KLF8: variants seen among roughly 807,000 people sequenced by gnomAD.
KLF8 encodes the protein KLF transcription factor 8.
A neutral mutation model predicts 18.2 loss-of-function variants in KLF8; 10 were observed. The observed-to-expected ratio is 0.55, with a 90% CI of 0.34 to 0.93. The LOEUF (loss-of-function observed/expected upper bound fraction) is 0.93, where lower values mean the gene tolerates loss of function less well. KLF8 is among the 40% of genes least tolerant of loss of function. KLF8 has a pLI of 0.02. For synonymous variants in KLF8, 109 were observed against 97.3 expected, an observed-to-expected ratio of 1.12 and a Z score of -0.71; for missense variants, 264 against 277.9, an observed-to-expected ratio of 0.95 and a Z score of 0.36.
the KLF8 span, among the ~76,000 whole-genome samples, chrX:56,225,962 T>A: frequency 8.9e-6 from 1 of 112,547 alleles, no homozygotes; most frequent in East Asian, 2.8e-4. Context: ...GTCAAATGGA[T>A]AAGACTGCCA....
the KLF8 span, among the ~76,000 whole-genome samples, chrX:56,058,167 T>TATATATATACACACATATATATATAC: frequency 1.1e-5 from 1 of 91,807 alleles, no homozygotes; most frequent in Non-Finnish European, 2.1e-5. Context: ...GGCATATATA[T>TATATATATACACACATATATATATAC]ATATATATAC....
chrX:56,125,894 G>A, the KLF8 span, among the ~76,000 whole-genome samples: 5 of 111,805 alleles, frequency 4.5e-5, no homozygotes, highest in African/African-American at 1.3e-4. Context: ...CTAGGGTTTG[G>A]GGAATGATGA....
the KLF8 span, among the ~76,000 whole-genome samples, chrX:56,128,532 C>T: frequency 9.0e-6 from 1 of 111,265 alleles, no homozygotes; most frequent in Non-Finnish European, 1.9e-5. Flanking sequence ...CAACTCCCAA[C>T]CTCAATAGAA....
At chrX:56,121,703 G>T in the KLF8 span, among the ~76,000 whole-genome samples, 5 of 112,451 alleles carry the variant, frequency 4.4e-5, no homozygotes, top group Non-Finnish European at 7.5e-5. Context: ...CACAGCCAGG[G>T]CCTGATGGTT....
At chrX:56,007,221 G>T in the KLF8 span, among the ~76,000 whole-genome samples, 1 of 111,524 alleles carries the variant, frequency 9.0e-6, no homozygotes. Context: ...CTCTGAGTGG[G>T]CATGAGAGGA....
chrX:56,091,200 C>T, the KLF8 span, among the ~76,000 whole-genome samples: 1 of 111,175 alleles, frequency 9.0e-6, no homozygotes, highest in Non-Finnish European at 1.9e-5. Flanking sequence ...TTCCACCATG[C>T]TATTCTTGTG....
the KLF8 span, among the ~76,000 whole-genome samples, chrX:56,120,689 T>G: frequency 9.0e-6 from 1 of 111,479 alleles, no homozygotes; most frequent in Admixed American, 9.5e-5. Context: ...CCTAGGGCCT[T>G]TCCCTCTTCT....
the KLF8 span, among the ~76,000 whole-genome samples, chrX:56,110,552 T>A: frequency 8.9e-6 from 1 of 111,963 alleles, no homozygotes; most frequent in African/African-American, 3.2e-5. Flanking sequence ...TAATACTGAC[T>A]TTTTTGTTTG....
chrX:56,008,332 G>T, the KLF8 span, among the ~76,000 whole-genome samples: 1 of 109,357 alleles, frequency 9.1e-6, no homozygotes, highest in Non-Finnish European at 1.9e-5. Flanking sequence ...AAGTATCCAG[G>T]TTCTCTTGCT....
chrX:56,180,206 G>A, the KLF8 span, among the ~76,000 whole-genome samples: 2 of 108,105 alleles, frequency 1.9e-5, no homozygotes, highest in South Asian at 7.6e-4. Flanking sequence ...AACTTCTTCG[G>A]AAGGTGTATA....
At chrX:56,221,735 G>A in the KLF8 span, among the ~76,000 whole-genome samples, 20 of 111,698 alleles carry the variant, frequency 1.8e-4, no homozygotes, top group Non-Finnish European at 3.4e-4. Context: ...AGACCTTCAC[G>A]AGTGTCACAG....
the KLF8 span, among the ~76,000 whole-genome samples, chrX:56,181,789 T>TC: frequency 9.0e-5 from 9 of 99,932 alleles, no homozygotes; most frequent in Middle Eastern, 4.5e-3. Flanking sequence ...TGAATATTGC[T>TC]CCCCCCCCTT....
the KLF8 span, among the ~76,000 whole-genome samples, chrX:56,108,201 TC>T: frequency 8.9e-6 from 1 of 112,172 alleles, no homozygotes; most frequent in African/African-American, 3.2e-5. Context: ...TTTTTTTTAA[TC>T]TGCCTAATTG....
the KLF8 span, among the ~76,000 whole-genome samples, chrX:56,051,867 C>G: frequency 9.2e-6 from 1 of 108,882 alleles, no homozygotes; most frequent in African/African-American, 3.6e-5. Context: ...AGAGTGTTTT[C>G]CAACTTGGTT....
the KLF8 span, among the ~76,000 whole-genome samples, chrX:56,103,957 C>T: frequency 9.0e-6 from 1 of 111,525 alleles, no homozygotes; most frequent in Non-Finnish European, 1.9e-5. Context: ...TTTTCTGCAT[C>T]TATTGAGATA....
At chrX:56,173,955 G>A in the KLF8 span, among the ~76,000 whole-genome samples, 2 of 112,065 alleles carry the variant, frequency 1.8e-5, no homozygotes, top group South Asian at 7.4e-4. Flanking sequence ...TGTATCCTGA[G>A]ACTTTGCTGA....
At chrX:56,147,455 A>AAAAAC in the KLF8 span, among the ~76,000 whole-genome samples, 41 of 112,456 alleles carry the variant, frequency 3.6e-4, 3 homozygotes, top group East Asian at 5.0e-3. Context: ...TGCAAAAACA[A>AAAAAC]AAAACAAAAC....
chrX:56,115,369 T>C, the KLF8 span, among the ~76,000 whole-genome samples: 1,074 of 112,022 alleles, frequency 9.6e-3, 9 homozygotes, highest in South Asian at 0.031. Context: ...CAAGTCCTGA[T>C]TTATCTCATT....
chrX:55,927,579 T>C, the KLF8 span, among the ~76,000 whole-genome samples: 1 of 112,089 alleles, frequency 8.9e-6, no homozygotes, highest in African/African-American at 3.2e-5. Context: ...TTTGGAATTA[T>C]CAGATGTCAG....
Sources: gnomAD v4.1 joint callset for allele counts (sites outside exome capture counted in the v4.1 genomes callset) on GRCh38, gnomAD v4.1.1 for gene constraint, MANE v1.5 for transcripts, NCBI Gene and HGNC (gene_info 2026-07-23, HGNC 2026-07-21) for gene names.